Variants in RSPO3 observed in about 807,000 individuals in gnomAD.
RSPO3 encodes R-spondin-3.
In RSPO3, 17 loss-of-function variants were observed where a neutral mutation model predicts 36.5. The observed-to-expected ratio is 0.47, with a 90% CI of 0.32 to 0.70. The LOEUF (loss-of-function observed/expected upper bound fraction) is 0.70, where lower values mean the gene tolerates loss of function less well. Among genes scored for constraint, RSPO3 ranks in the 30% least tolerant of loss-of-function variants. RSPO3 has a pLI of 0.04. For synonymous variants in RSPO3, 108 were observed against 107.0 expected, an observed-to-expected ratio of 1.01 and a Z score of -0.06; for missense variants, 294 against 322.5, an observed-to-expected ratio of 0.91 and a Z score of 0.68.
At chr6:127,142,450 C>A (rs1216789600) in intron 1 of RSPO3, among the ~76,000 whole-genome samples, 5 of 152,086 alleles carry the variant, frequency 3.3e-5, no homozygotes, top group Non-Finnish European at 7.4e-5. Flanking sequence ...CGGGAAACAT[C>A]TCTTAATTTT....
chr6:127,158,002 T>C (rs1774627970), intron 4 of RSPO3, among the ~76,000 whole-genome samples: 1 of 150,914 alleles, frequency 6.6e-6, no homozygotes, highest in Non-Finnish European at 1.5e-5. Context: ...TCATTTAGGC[T>C]CTACTGTATA....
chr6:127,164,061 A>T lies in RSPO3; in HGVS notation c.634+8623A>T, dbSNP rs563095299. Among the ~76,000 whole-genome samples the T allele has an allele frequency of 2.0e-5, 3 of 152,102 alleles. No homozygotes were observed. In the East Asian group the frequency reaches 5.8e-4, roughly 30 times the overall value. The stretch of plus-strand genomic sequence containing the variant: ...GGAAAGCTGGCTCTGGGCAGCTCCA[A>T]GTCTATATATCCACATTGCTCCAAA... On this transcript the variant is annotated intron_variant, in intron 4 of 4. Transcript: ENST00000356698.
chr6:127,150,525 C>G lies in RSPO3; in HGVS notation c.389C>G (p.Pro130Arg). ...CTTGGAAAGTGCCTTGACAATTGCC[C>G]AGAAGGGTTGGAAGCCAACAACCAT... ...LHLGKCLDNC[P>R]EGLEANNHTM... Residue 130 changes from proline to arginine, a missense_variant, in exon 3 of 5, where the codon CCA becomes CGA. Pro to Arg is a moderately radical substitution (Grantham distance 103, BLOSUM62 -2). Coordinates refer to ENST00000356698, the MANE Select transcript of RSPO3 (RefSeq NM_032784.5). The G allele has an allele frequency of 1.9e-6, 3 of 1,612,022 alleles. No homozygotes were observed. Among genetic ancestry groups the G allele is most frequent in the Non-Finnish European group, 2.5e-6 (3 of 1,178,916 alleles).
At position 127,145,592 on chromosome 6, in the gene RSPO3, C is replaced by T. The variant is rs1031370157; in HGVS notation, c.98-3056C>T. On this transcript the variant is annotated intron_variant, in intron 1 of 4. Transcript: ENST00000356698. ...GTTGCATCAAACTCATGCCAGTCTC[C>T]TTCCCAGCTTGGGTCACTGTAGTGT... Among the ~76,000 whole-genome samples the T allele has an allele frequency of 3.9e-5, 6 of 152,252 alleles. No individual in the cohort carries two copies. In the East Asian group the frequency reaches 1.2e-3, roughly 29 times the overall value.
At chr6:127,139,797 C>T (rs932814253) in intron 1 of RSPO3, among the ~76,000 whole-genome samples, 1 of 152,042 alleles carries the variant, frequency 6.6e-6, no homozygotes, top group Admixed American at 6.6e-5. Context: ...CTCTATTCAC[C>T]TCCACTTGGG....
rs768756332 is a variant in RSPO3 at position 127,198,022 on chromosome 6, T to TAC, written c.*2015_*2016insAC. 1.2e-4 allele frequency among the ~76,000 whole-genome samples: 18 copies of TAC among 152,240 alleles called. No individual in the cohort carries two copies. Among genetic ancestry groups the TAC allele is most frequent in the Non-Finnish European group, 2.2e-4 (15 of 68,048 alleles). ...CAGTCAAGTATAAGTAGCCAAATTA[T>TAC]TTTTGCACATCTTTCTGTTTCTCAT... is the stretch of plus-strand genomic sequence containing the variant. On this transcript the variant is annotated 3_prime_UTR_variant, in exon 5 of 5. Coordinates refer to ENST00000356698, the MANE Select transcript of RSPO3 (RefSeq NM_032784.5).
rs1562246508 is a variant in RSPO3 at position 127,155,241 on chromosome 6, T to C, written c.437T>C (p.Val146Ala). 1.9e-6 allele frequency: 3 copies of C among 1,613,740 alleles called. No individual in the cohort carries two copies. Among genetic ancestry groups the C allele is most frequent in the South Asian group, 1.1e-5 (1 of 91,070 alleles). Residue 146 changes from valine (V) to alanine (A), a missense_variant and splice_region_variant, in exon 4 of 5, where the codon GTG becomes GCG. Physicochemically the swap from Val to Ala is moderately conservative, Grantham distance 64. This residue lies in a region of RSPO3 where 190 missense variants were observed against 185.2 expected (regional missense o/e 1.03). Coordinates refer to ENST00000356698, the MANE Select transcript of RSPO3 (RefSeq NM_032784.5). Reference sequence around the variant, plus strand: ...GTCTGTTTCTTCTGTTCTGTTTCAGTGCACTGTGAGGTCAGTGAATGGAAT... The same window carrying C: ...GTCTGTTTCTTCTGTTCTGTTTCAGCGCACTGTGAGGTCAGTGAATGGAAT... ...NNHTMECVSI[V>A]HCEVSEWNPW...
chr6:127,198,780 G>C lies in RSPO3; in HGVS notation c.*2773G>C, dbSNP rs1775564038. Among the ~76,000 whole-genome samples the C allele has an allele frequency of 6.6e-6, 1 of 152,302 alleles. No individual in the cohort carries two copies. Among genetic ancestry groups the C allele is most frequent in the African/African-American group, 2.4e-5 (1 of 41,572 alleles). ...AACAAGAAAGAGGGGAACTGGAGAT[G>C]ATCACTCTAGTTCCAGACAAGGGAA... On this transcript the variant is annotated 3_prime_UTR_variant, in exon 5 of 5. Coordinates refer to ENST00000356698, the MANE Select transcript of RSPO3 (RefSeq NM_032784.5).
chr6:127,139,052 ATTC>A (rs1038046162), intron 1 of RSPO3, among the ~76,000 whole-genome samples: 2 of 152,140 alleles, frequency 1.3e-5, no homozygotes, highest in Non-Finnish European at 2.9e-5. Context: ...GTGCATGTAT[ATTC>A]TTCTTCAATT....
chr6:127,182,960 T>C (rs190703348), intron 4 of RSPO3, among the ~76,000 whole-genome samples: 3 of 152,112 alleles, frequency 2.0e-5, no homozygotes, highest in Admixed American at 2.0e-4. Flanking sequence ...ACAAGGTTAT[T>C]TTGTCATCTT....
rs2114286989 is a variant in RSPO3, at chr6:127,196,755, A to T, written c.*748A>T. 1 of 152,592 alleles carries T rather than the reference A, an allele frequency of 6.6e-6. No homozygotes were observed. The highest frequency in any genetic ancestry group is 1.9e-4 in the East Asian group (1 of 5,188). 9.5% of individuals were successfully genotyped at this position (152,592 alleles called of 1,614,324 possible). ...AGCACTATGTGGCTCAGCCTCTGTT[A>T]CCCCTTGGATTATATATCAACCTGT... On this transcript the variant is annotated 3_prime_UTR_variant, in exon 5 of 5. Transcript: ENST00000356698.
chr6:127,129,619 A>C (rs1582785407), intron 1 of RSPO3, among the ~76,000 whole-genome samples: 2 of 152,258 alleles, frequency 1.3e-5, no homozygotes, highest in East Asian at 3.9e-4. Flanking sequence ...AGAGTAGGAA[A>C]TATACCAGAA....
chr6:127,178,525 C>T (rs1232739271), intron 4 of RSPO3, among the ~76,000 whole-genome samples: 1 of 151,562 alleles, frequency 6.6e-6, no homozygotes, highest in African/African-American at 2.4e-5. Context: ...CAAAGAAAAA[C>T]ATGCTGGGTT....
At chr6:127,149,375 C>T (rs1038825099) in intron 2 of RSPO3, among the ~76,000 whole-genome samples, 1 of 152,030 alleles carries the variant, frequency 6.6e-6, no homozygotes, top group African/African-American at 2.4e-5. Context: ...TTCCTCCAAA[C>T]TCATCTCCTA....
chr6:127,153,640 G>T (rs1774534596), intron 3 of RSPO3, among the ~76,000 whole-genome samples: 1 of 151,918 alleles, frequency 6.6e-6, no homozygotes, highest in Admixed American at 6.6e-5. Context: ...GTGTACATTT[G>T]CTTAGACCAC....
intron 4 of RSPO3, among the ~76,000 whole-genome samples, chr6:127,172,838 T>C (rs926105569): frequency 6.6e-6 from 1 of 151,782 alleles, no homozygotes; most frequent in Non-Finnish European, 1.5e-5. Context: ...GATTTCACAC[T>C]CAAAGACCAG....
At chr6:127,143,204 G>A (rs752838751) in intron 1 of RSPO3, among the ~76,000 whole-genome samples, 1 of 152,036 alleles carries the variant, frequency 6.6e-6, no homozygotes, top group Non-Finnish European at 1.5e-5. Flanking sequence ...TAGCTTCCTT[G>A]AATAGAAGGT....
rs755643661 is a variant in RSPO3 at position 127,148,853 on chromosome 6, C to T, written c.289+14C>T. ...ATAAGTGTACAAGTAAGTGCCCACA[C>T]GAAATTGTATTTTTATCTCATCTTT... On this transcript the variant is annotated intron_variant, in intron 2 of 4. Coordinates refer to ENST00000356698, the MANE Select transcript of RSPO3 (RefSeq NM_032784.5). 89 of 1,587,944 alleles carry T rather than the reference C, an allele frequency of 5.6e-5. No homozygotes were observed. Among genetic ancestry groups the T allele is most frequent in the Middle Eastern group, 1.7e-4 (1 of 5,856 alleles).
intron 4 of RSPO3, among the ~76,000 whole-genome samples, chr6:127,184,168 A>G (rs1353261883): frequency 6.6e-6 from 1 of 152,010 alleles, no homozygotes; most frequent in Non-Finnish European, 1.5e-5. Context: ...GTAGGGAAGC[A>G]GGCAAACCAT....
Sources: allele counts gnomAD v4.1 joint callset (sites outside exome capture counted in the v4.1 genomes callset), GRCh38; gene constraint gnomAD v4.1.1; regional missense constraint gnomAD v4.1.1; transcripts MANE v1.5; gene names NCBI Gene and HGNC (gene_info 2026-07-23, HGNC 2026-07-21).